PTPRU: variants seen among roughly 807,000 people sequenced by gnomAD.
PTPRU encodes the protein protein tyrosine phosphatase receptor type U.
Under a neutral mutation model 166.3 loss-of-function variants are expected in PTPRU, and 69 were observed. The ratio of observed to expected loss-of-function variants is 0.41; its 90% CI spans 0.34 to 0.51. PTPRU has a LOEUF of 0.51. Among genes scored for constraint, PTPRU ranks in the 20% least tolerant of loss-of-function variants. PTPRU has a pLI of 0.09. For missense variants in PTPRU, 1,657 were observed against 2,013.7 expected (o/e 0.82, Z 3.39); for synonymous variants, 793 against 814.0 (o/e 0.97, Z 0.44).
Position 29,311,527 on chromosome 1 carries a change from A to G in PTPRU, c.2929A>G (p.Ile977Val). The G allele has an allele frequency of 1.9e-6, 3 of 1,614,116 alleles. No homozygotes were observed. Among genetic ancestry groups the G allele is most frequent in the East Asian group, 2.2e-5 (1 of 44,868 alleles). ...WQEHCSSIVM[I>V]TKLVEVGRVK... ...GGAGCACTGTTCCAGCATCGTCATG[A>G]TCACCAAGCTGGTCGAGGTGGGCAG... The change falls in exon 20 of 30, where the codon ATC becomes GTC. Residue 977 changes from isoleucine to valine, a missense_variant. By Grantham distance (29) the Ile-to-Val change is conservative (BLOSUM62 3). Transcript: ENST00000373779. This position sits in a 1 kb window ranked among gnomAD's most constrained non-coding sequence, Gnocchi z 4.1.
chr1:29,281,204 C>T (rs1212198608), intron 11 of PTPRU, among the ~76,000 whole-genome samples: 1 of 152,114 alleles, frequency 6.6e-6, no homozygotes, highest in Non-Finnish European at 1.5e-5. Context: ...TCCTCACTCC[C>T]CACTGTATCC....
intron 8 of PTPRU, among the ~76,000 whole-genome samples, chr1:29,278,726 C>T (rs182072292): frequency 1.3e-5 from 2 of 152,332 alleles, no homozygotes; most frequent in African/African-American, 4.8e-5. Flanking sequence ...CTGAATGCAA[C>T]CTACACAGTA....
Position 29,316,092 on chromosome 1 carries a change from A to G in PTPRU, c.3454A>G (p.Lys1152Glu), listed in dbSNP as rs778030176. 19 of 1,614,160 alleles carry G rather than the reference A, an allele frequency of 1.2e-5. No individual in the cohort carries two copies. Among genetic ancestry groups the G allele is most frequent in the Non-Finnish European group, 1.6e-5 (19 of 1,180,016 alleles). Residue 1152 changes from lysine to glutamate, a missense_variant, in exon 24 of 30, where the codon AAG becomes GAG. Physicochemically the swap from Lys to Glu is moderately conservative, Grantham distance 56 (BLOSUM62 1). This residue lies in a region of PTPRU where 1,190 missense variants were observed against 1,477.4 expected (regional missense o/e 0.81). Coordinates refer to ENST00000373779, the MANE Select transcript of PTPRU (RefSeq NM_133178.4). ...TGTCAGTGAGTTCAAGGCCACCTAC[A>G]AGGAGATGATCCGCATTGATCCTCA... ...IPVSEFKATY[K>E]EMIRIDPQSN...
Position 29,237,694 on chromosome 1 carries a change from G to C in PTPRU, c.73+977G>C, listed in dbSNP as rs1489299613. 6.6e-6 allele frequency among the ~76,000 whole-genome samples: 1 copy of C among 150,932 alleles called. No homozygotes were observed. Among genetic ancestry groups the C allele is most frequent in the South Asian group, 2.1e-4 (1 of 4,826 alleles). On this transcript the variant is annotated intron_variant, in intron 1 of 29. Coordinates refer to ENST00000373779, the MANE Select transcript of PTPRU (RefSeq NM_133178.4). The surrounding 1 kb of genome is among the most constrained non-coding windows in gnomAD (Gnocchi z 6.4). Reference sequence around the variant, plus strand: ...GCCCCGCGGCCGCCGCCTCGGGCATGTCGGACTGTTTGTTGTTTCGCAAGT... The same window carrying C: ...GCCCCGCGGCCGCCGCCTCGGGCATCTCGGACTGTTTGTTGTTTCGCAAGT...
At position 29,275,704 on chromosome 1, in the gene PTPRU, C is replaced by T; in HGVS notation, c.1401C>T (p.Asn467=). The T allele has an allele frequency of 6.2e-7, 1 of 1,614,168 alleles. No individual in the cohort carries two copies. Among genetic ancestry groups the T allele is most frequent in the African/African-American group, 1.3e-5 (1 of 75,032 alleles). ...TTCACGTGAGGCTTGTCCTCACTAA[C>T]CCTGAGGGGCGCAAAGAGGGCAAGG... ...RNVHVRLVLT[N]PEGRKEGKEV... Residue 467 remains asparagine (N), a synonymous_variant, in exon 8 of 30, where the codon AAC becomes AAT. Transcript: ENST00000373779.
rs139236311 is a variant in PTPRU, at chr1:29,304,830, G to T, written c.2724G>T (p.Arg908=). 3.2e-4 allele frequency: 518 copies of T among 1,611,800 alleles called. 1 individual carries two copies. The highest frequency in any genetic ancestry group is 4.0e-4 in the Non-Finnish European group (471 of 1,178,338). ...TKKKDKVKGS[R]QEPMPAYDRH... is the part of the protein sequence containing the mutation. The stretch of plus-strand genomic sequence containing the variant: ...AGAAAGACAAGGTCAAGGGCAGCCG[G>T]CAGGAGCCAATGCCTGCCTGTGAGT... The change falls in exon 17 of 30, where the codon CGG becomes CGT. Residue 908 remains arginine (R), a synonymous_variant. Coordinates refer to ENST00000373779, the MANE Select transcript of PTPRU (RefSeq NM_133178.4).
intron 8 of PTPRU, 150 bp downstream of exon 8, chr1:29,275,906 T>C: frequency 1.1e-6 from 1 of 901,066 alleles, no homozygotes; most frequent in Non-Finnish European, 1.7e-6. Flanking sequence ...AGCTCCTATT[T>C]TTTCTCTGGA....
chr1:29,277,425 C>G lies in PTPRU; in HGVS notation c.1454-1587C>G, dbSNP rs1212161000. On this transcript the variant is annotated intron_variant, in intron 8 of 29. Coordinates refer to ENST00000373779, the MANE Select transcript of PTPRU (RefSeq NM_133178.4). ...CAGCAATTGGGACTTTTCTAATTGT[C>G]TTTTTATTATTGATTTCTAGGTTAA... Among the ~76,000 whole-genome samples the G allele has an allele frequency of 2.0e-5, 3 of 152,230 alleles. No individual in the cohort carries two copies. The East Asian group carries it at 5.8e-4, about 29-fold the overall frequency.
rs556424078 is a variant in PTPRU at position 29,311,877 on chromosome 1, G to C, written c.3072+118G>C. 133 of 1,008,372 alleles carry C rather than the reference G, an allele frequency of 1.3e-4. 2 individuals carry two copies. In the African/African-American group the frequency reaches 1.8e-3, roughly 13 times the overall value. The allele number at this position is 1,008,372 out of a possible 1,614,324, so 62.5% of individuals were successfully genotyped here. ...GAGGAGCGCACCACTGCCCATCCCA[G>C]CAAGGAAGCTACTTGGTCACTGTTG... On this transcript the variant is annotated intron_variant, in intron 21 of 29. Transcript: ENST00000373779. The surrounding 1 kb of genome is among the most constrained non-coding windows in gnomAD (Gnocchi z 4.1).
At chr1:29,307,126 A>G in intron 18 of PTPRU, 1 of 1,613,494 alleles carries the variant, frequency 6.2e-7, no homozygotes, top group East Asian at 2.2e-5. Flanking sequence ...TGGAATCATT[A>G]AGATTCGGAT....
In PTPRU at chr1:29,268,374, T is replaced by C. The variant is rs187867700; in HGVS notation, c.1145-7074T>C. Among the ~76,000 whole-genome samples the C allele has an allele frequency of 4.3e-4, 65 of 152,288 alleles. 1 individual carries two copies. Among genetic ancestry groups the C allele is most frequent in the African/African-American group, 1.5e-3 (62 of 41,568 alleles). ...AGACATTTGACAGTGACTGAGGACA[T>C]AACCGTTGTCACAACTGGGTGGCGG... On this transcript the variant is annotated intron_variant, in intron 7 of 29. Coordinates refer to ENST00000373779, the MANE Select transcript of PTPRU (RefSeq NM_133178.4).
rs1483478529 is a variant in PTPRU, at chr1:29,317,958, C to T, written c.3687+37C>T. On this transcript the variant is annotated intron_variant, in intron 25 of 29. Transcript: ENST00000373779. The surrounding 1 kb of genome is among the most constrained non-coding windows in gnomAD (Gnocchi z 5.6). ...GGGTGGAGTGGGCTCTGGGGCTCCC[C>T]TTCCCAGCAGCATCAGGGAAGGTCC... is the stretch of plus-strand genomic sequence containing the variant. 1.7e-5 allele frequency: 27 copies of T among 1,607,248 alleles called. No homozygotes were observed. Among genetic ancestry groups the T allele is most frequent in the East Asian group, 4.5e-5 (2 of 44,820 alleles).
intron 24 of PTPRU, among the ~76,000 whole-genome samples, chr1:29,316,374 G>A (rs992489457): frequency 6.6e-6 from 1 of 152,140 alleles, no homozygotes; most frequent in Non-Finnish European, 1.5e-5. Context: ...ATAAACCCAG[G>A]TTCAAATCCT....
Position 29,326,076 on chromosome 1 carries a change from C to T in PTPRU, c.*415C>T, listed in dbSNP as rs925589263. 1 of 401,322 alleles carries T rather than the reference C, an allele frequency of 2.5e-6. No individual in the cohort carries two copies. The highest frequency in any genetic ancestry group is 3.6e-5 in the East Asian group (1 of 27,972). 24.9% of individuals were successfully genotyped at this position (401,322 alleles called of 1,614,324 possible). A position where few individuals can be genotyped will look rare whatever the true frequency, so the allele number is the denominator to read the frequency against. On this transcript the variant is annotated 3_prime_UTR_variant, in exon 30 of 30. Coordinates refer to ENST00000373779, the MANE Select transcript of PTPRU (RefSeq NM_133178.4). Reference sequence around the variant, plus strand: ...AGGCCAAGGTTCCCACTCAGCCTGCCCCCTCTGCATGTGGGTAGAGGATGT... The same window carrying T: ...AGGCCAAGGTTCCCACTCAGCCTGCTCCCTCTGCATGTGGGTAGAGGATGT...
chr1:29,244,063 G>A (rs891384930), intron 1 of PTPRU, among the ~76,000 whole-genome samples: 2 of 152,190 alleles, frequency 1.3e-5, no homozygotes, highest in South Asian at 2.1e-4. Context: ...TTGGAGGGCC[G>A]CTGAGGCTTG....
intron 14 of PTPRU, among the ~76,000 whole-genome samples, chr1:29,290,266 T>C (rs998930278): frequency 1.3e-5 from 2 of 152,202 alleles, no homozygotes; most frequent in African/African-American, 2.4e-5. Flanking sequence ...GAGCCTCCTC[T>C]GGGCCAAGCC....
Position 29,275,775 on chromosome 1 carries a change from A to G in PTPRU, c.1453+19A>G, listed in dbSNP as rs767853303. 1.9e-6 allele frequency: 3 copies of G among 1,609,412 alleles called. No homozygotes were observed. The highest frequency in any genetic ancestry group is 1.7e-6 in the Non-Finnish European group (2 of 1,176,322). Reference sequence around the variant, plus strand: ...GAGGATGGTAAGAGTCTCAGTCCCAATTCCCGGGGCCCTGTGTACCTCCCA... The same window carrying G: ...GAGGATGGTAAGAGTCTCAGTCCCAGTTCCCGGGGCCCTGTGTACCTCCCA... On this transcript the variant is annotated intron_variant, in intron 8 of 29. Transcript: ENST00000373779.
intron 11 of PTPRU, 93 bp from the exon 12 acceptor site, chr1:29,282,583 G>A: frequency 1.4e-6 from 2 of 1,468,236 alleles, no homozygotes; most frequent in African/African-American, 1.4e-5. Flanking sequence ...CCCCAGGAGG[G>A]CTTGACCACA....
Position 29,260,595 on chromosome 1 carries a change from C to G in PTPRU, c.851-15C>G, listed in dbSNP as rs1014151049. The G allele has an allele frequency of 2.7e-6, 4 of 1,487,198 alleles. No homozygotes were observed. The African/African-American group carries it at 4.3e-5, about 16-fold the overall frequency. 92.1% of individuals were successfully genotyped at this position (1,487,198 alleles called of 1,614,324 possible). On this transcript the variant is annotated splice_polypyrimidine_tract_variant and intron_variant, in intron 6 of 29. Transcript: ENST00000373779. This position sits in a 1 kb window ranked among gnomAD's most constrained non-coding sequence, Gnocchi z 8.3. ...CAGCATCGGTCCGCCTCGCCTCTCC[C>G]CCATCTCCTCGCAGAGCCCCCAACT...
Sources: allele counts gnomAD v4.1 joint callset (sites outside exome capture counted in the v4.1 genomes callset), GRCh38; gene constraint gnomAD v4.1.1; regional missense constraint gnomAD v4.1.1; non-coding constraint Gnocchi (gnomAD v3.1); transcripts MANE v1.5; gene names NCBI Gene and HGNC (gene_info 2026-07-23, HGNC 2026-07-21).